CAMK1D: variants seen among roughly 807,000 people sequenced by gnomAD.
CAMK1D encodes calcium/calmodulin dependent protein kinase ID.
CAMK1D carries 9 observed loss-of-function variants against 47.7 expected under a neutral mutation model. That is an observed-to-expected ratio of 0.19 (90% confidence interval 0.11 to 0.33). The LOEUF is 0.33. CAMK1D is among the 10% of genes least tolerant of loss of function. CAMK1D has a pLI of 1.00. For synonymous variants in CAMK1D, 184 were observed against 184.9 expected (o/e 0.99, Z 0.04); for missense variants, 291 against 488.7 (o/e 0.60, Z 3.81).
At chr10:12,699,893 C>T (rs1407107934) in intron 3 of CAMK1D, among the ~76,000 whole-genome samples, 1 of 152,068 alleles carries the variant, frequency 6.6e-6, no homozygotes, top group Admixed American at 6.6e-5. Context: ...ATTCATGTTG[C>T]TCTGATAGGG....
intron 2 of CAMK1D, among the ~76,000 whole-genome samples, chr10:12,574,683 A>G (rs903522402): frequency 6.6e-6 from 1 of 151,918 alleles, no homozygotes; most frequent in African/African-American, 2.4e-5. Context: ...TCACACTGCT[A>G]TAAAGAACTA....
intron 4 of CAMK1D, 102 bp downstream of exon 4, chr10:12,761,188 A>G: frequency 7.2e-7 from 1 of 1,388,980 alleles, no homozygotes; most frequent in Non-Finnish European, 9.8e-7. Context: ...GCTCTGATGT[A>G]GAGTGGGTGC....
chr10:12,351,861 G>C (rs187073310), intron 1 of CAMK1D, among the ~76,000 whole-genome samples: 1 of 152,158 alleles, frequency 6.6e-6, no homozygotes, highest in Non-Finnish European at 1.5e-5. Context: ...CTTCTGCCTG[G>C]GATGGAATTC....
intron 2 of CAMK1D, among the ~76,000 whole-genome samples, chr10:12,652,427 A>C (rs1335396748): frequency 2.0e-5 from 3 of 147,814 alleles, no homozygotes; most frequent in African/African-American, 7.4e-5. Flanking sequence ...TAAAAATACA[A>C]AAAAAAAAAA....
At chr10:12,670,168 C>T (rs1192118033) in intron 3 of CAMK1D, among the ~76,000 whole-genome samples, 5 of 136,142 alleles carry the variant, frequency 3.7e-5, no homozygotes, top group Admixed American at 8.1e-5. Context: ...GTGTCAGTTC[C>T]TGTTGCTCTA....
Position 12,430,508 on chromosome 10 carries a change from CACG to C in CAMK1D, c.92+80601_92+80603del, listed in dbSNP as rs536331335. On this transcript the variant is annotated intron_variant, in intron 1 of 10. Transcript: ENST00000619168. Reference sequence around the variant, plus strand: ...TATCCCAAGTCATTTGAATTAATTACACGACTTTTTCCTTGTCCTGTCTGTGGG... The same window carrying C: ...TATCCCAAGTCATTTGAATTAATTACACTTTTTCCTTGTCCTGTCTGTGGG... Among the ~76,000 whole-genome samples, 5 of 152,292 alleles carry C rather than the reference CACG, an allele frequency of 3.3e-5. No homozygotes were observed. The South Asian group carries it at 1.0e-3, about 32-fold the overall frequency.
intron 3 of CAMK1D, among the ~76,000 whole-genome samples, chr10:12,683,804 T>C (rs1832545667): frequency 6.6e-6 from 1 of 150,720 alleles, no homozygotes; most frequent in Non-Finnish European, 1.5e-5. Flanking sequence ...AATCTATAAG[T>C]ACAATTTTTA....
chr10:12,432,566 A>G (rs1331413937), intron 1 of CAMK1D, among the ~76,000 whole-genome samples: 1 of 152,254 alleles, frequency 6.6e-6, no homozygotes, highest in Non-Finnish European at 1.5e-5. Context: ...TGTGTGAATG[A>G]ATGGGCAAAT....
intron 1 of CAMK1D, among the ~76,000 whole-genome samples, chr10:12,438,064 A>C (rs1832685568): frequency 6.6e-6 from 1 of 152,226 alleles, no homozygotes; most frequent in African/African-American, 2.4e-5. Context: ...GTTTAGGTGC[A>C]GTGAATTGCT....
intron 3 of CAMK1D, among the ~76,000 whole-genome samples, chr10:12,734,317 C>A (rs2130820592): frequency 2.6e-5 from 2 of 77,306 alleles, no homozygotes; most frequent in African/African-American, 6.5e-5. Context: ...AGCGAGACTC[C>A]ATCTCAAAAA....
intron 2 of CAMK1D, among the ~76,000 whole-genome samples, chr10:12,580,696 A>AT (rs1487888774): frequency 1.3e-5 from 2 of 152,228 alleles, no homozygotes; most frequent in African/African-American, 4.8e-5. Flanking sequence ...CCTAAGAAGA[A>AT]TGCAGGAGTG....
chr10:12,801,626 A>G (rs1455315635), intron 6 of CAMK1D, among the ~76,000 whole-genome samples: 1 of 151,858 alleles, frequency 6.6e-6, no homozygotes, highest in Non-Finnish European at 1.5e-5. Context: ...CCATCCATCT[A>G]TCTATCTACC....
chr10:12,592,645 C>G (rs1295209597), intron 2 of CAMK1D, among the ~76,000 whole-genome samples: 5 of 152,136 alleles, frequency 3.3e-5, no homozygotes, highest in African/African-American at 1.2e-4. Flanking sequence ...TCCAAACATA[C>G]TGAAATCACA....
At chr10:12,742,838 G>C (rs994399217) in intron 3 of CAMK1D, among the ~76,000 whole-genome samples, 3 of 127,054 alleles carry the variant, frequency 2.4e-5, no homozygotes, top group Non-Finnish European at 4.5e-5. Flanking sequence ...ATCTGACAAA[G>C]AGCTCCATGC....
chr10:12,372,858 T>C (rs2131858858), intron 1 of CAMK1D, among the ~76,000 whole-genome samples: 1 of 152,336 alleles, frequency 6.6e-6, no homozygotes, highest in Middle Eastern at 3.4e-3. Flanking sequence ...CTTGAACTCC[T>C]GGGCTCAAGC....
At chr10:12,496,292 T>G (rs1296209184) in intron 1 of CAMK1D, among the ~76,000 whole-genome samples, 1 of 152,214 alleles carries the variant, frequency 6.6e-6, no homozygotes, top group Non-Finnish European at 1.5e-5. Flanking sequence ...TGCCTGCAAA[T>G]CATAGAACTA....
intron 6 of CAMK1D, among the ~76,000 whole-genome samples, chr10:12,798,991 C>T (rs1050823236): frequency 6.6e-6 from 1 of 152,084 alleles, no homozygotes; most frequent in African/African-American, 2.4e-5. Flanking sequence ...CCCAGCTCCA[C>T]GGTGGGTGGC....
intron 1 of CAMK1D, among the ~76,000 whole-genome samples, chr10:12,374,942 CAAAA>C (rs71384315): frequency 1.1e-4 from 10 of 94,542 alleles, no homozygotes; most frequent in East Asian, 3.6e-4. Flanking sequence ...GACTCCGTCT[CAAAA>C]AAAAAAAAAA....
chr10:12,372,198 C>T (rs1410893097), intron 1 of CAMK1D, among the ~76,000 whole-genome samples: 1 of 152,124 alleles, frequency 6.6e-6, no homozygotes, highest in African/African-American at 2.4e-5. Flanking sequence ...TGACAAATCT[C>T]CTAAAAGATG....
Sources: gnomAD v4.1 joint callset for allele counts (sites outside exome capture counted in the v4.1 genomes callset) on GRCh38, gnomAD v4.1.1 for gene constraint, MANE v1.5 for transcripts, NCBI Gene and HGNC (gene_info 2026-07-23, HGNC 2026-07-21) for gene names.